Variants in LRCH4 observed in about 807,000 individuals in gnomAD.
The protein encoded by LRCH4 is leucine rich repeats and calponin homology domain containing 4.
LRCH4 carries 56 observed loss-of-function variants against 81.2 expected under a neutral mutation model. That is an observed-to-expected ratio of 0.69 (90% CI 0.56 to 0.86). LRCH4 has a LOEUF of 0.86. Among genes scored for constraint, LRCH4 ranks in the 40% least tolerant of loss-of-function variants. The pLI is 0.00. For missense variants in LRCH4, 895 were observed against 922.8 expected (o/e 0.97, Z 0.39); for synonymous variants, 442 against 409.7 (o/e 1.08, Z -0.95).
chr7:100,576,458 C>T, intron 14 of LRCH4, 135 bp from the exon 15 acceptor site: 1 of 690,664 alleles, frequency 1.4e-6, no homozygotes, highest in Non-Finnish European at 2.5e-6. Context: ...GAGATGGGGT[C>T]TCGCTATGTT....
chr7:100,584,036 C>G (rs1801640481), intron 1 of LRCH4: 1 of 411,002 alleles, frequency 2.4e-6, no homozygotes, highest in Admixed American at 2.6e-5. Flanking sequence ...ACTATCACCC[C>G]AGGGAGCCTA....
intron 4 of LRCH4, chr7:100,580,812 T>G (rs949642935): frequency 2.9e-5 from 4 of 137,264 alleles, no homozygotes; most frequent in African/African-American, 8.9e-5. Flanking sequence ...CACATGCACA[T>G]AGACACACAT....
Position 100,581,563 on chromosome 7 carries a change from A to G in LRCH4, c.598+214T>C, listed in dbSNP as rs958306915. 3.0e-5 allele frequency: 16 copies of G among 531,328 alleles called. No individual in the cohort carries two copies. In the Middle Eastern group the frequency reaches 1.5e-3, roughly 48 times the overall value. The allele number at this position is 531,328 out of a possible 1,614,324, so 32.9% of individuals were successfully genotyped here. On this transcript the variant is annotated intron_variant, in intron 4 of 17. Transcript: ENST00000310300. ...TCTCTGCTCTCCGCCATCGGAGAGTACCACAAGGAGCCGGCAGTCTGCAGC... is the reference window on the plus strand; with the variant it reads ...TCTCTGCTCTCCGCCATCGGAGAGTGCCACAAGGAGCCGGCAGTCTGCAGC...
In LRCH4 at chr7:100,575,520, G is replaced by T. The variant is rs1189470315; in HGVS notation, c.1854+185C>A. On this transcript the variant is annotated intron_variant, in intron 17 of 17. Coordinates refer to ENST00000310300, the MANE Select transcript of LRCH4 (RefSeq NM_002319.5). This position sits in a 1 kb window ranked among gnomAD's most constrained non-coding sequence, Gnocchi z 5.3. ...ACAAGATGGGGCCTGCAGGGCAGGG[G>T]ATGTGTAGGACAGGTGACATGCAGG... 3.4e-6 allele frequency: 3 copies of T among 873,380 alleles called. No homozygotes were observed. The African/African-American group carries it at 4.9e-5, about 14-fold the overall frequency. The allele number at this position is 873,380 out of a possible 1,614,324, so 54.1% of individuals were successfully genotyped here. A position where few individuals can be genotyped will look rare whatever the true frequency, so the allele number is the denominator to read the frequency against.
rs376109684 is a variant in LRCH4 at position 100,577,834 on chromosome 7, C to T, written c.1027G>A (p.Glu343Lys). 29 of 1,612,954 alleles carry T rather than the reference C, an allele frequency of 1.8e-5. No individual in the cohort carries two copies. The part of the protein sequence containing the change: ...REPRGPRERK[E>K]DGSADGDPVQ... The stretch of plus-strand genomic sequence containing the variant: ...CCCTGCTACTCACCTGAGCCATCCT[C>T]CTTGCGTTCTCTGGGTCCCCGGGGC... Residue 343 changes from glutamate to lysine, a missense_variant, in exon 8 of 18, where the codon GAG becomes AAG. Physicochemically the swap from Glu to Lys is moderately conservative, Grantham distance 56. This residue lies in a region of LRCH4 where 529 missense variants were observed against 504.9 expected (regional missense o/e 1.05). Transcript: ENST00000310300. This position sits in a 1 kb window ranked among gnomAD's most constrained non-coding sequence, Gnocchi z 6.7.
At position 100,576,027 on chromosome 7, in the gene LRCH4, T is replaced by C. The variant is rs202132087; in HGVS notation, c.1639-19A>G. On this transcript the variant is annotated intron_variant, in intron 15 of 17. Transcript: ENST00000310300. ...CAAGGACCTGGCAGTGTAGACCACA[T>C]AGAGCAGGGGTCAGGGAAGGAGAGG... 700 of 1,595,808 alleles carry C rather than the reference T, an allele frequency of 4.4e-4. 3 individuals are homozygous for C. The African/African-American group carries it at 8.2e-3, about 19-fold the overall frequency.
rs957924891 is a variant in LRCH4, at chr7:100,582,559, C to A, written c.221-100G>T. The A allele has an allele frequency of 4.1e-6, 5 of 1,217,372 alleles. No homozygotes were observed. The highest frequency in any genetic ancestry group is 1.2e-6 in the Non-Finnish European group (1 of 867,938). 75.4% of individuals were successfully genotyped at this position (1,217,372 alleles called of 1,614,324 possible). A position where few individuals can be genotyped will look rare whatever the true frequency, so the allele number is the denominator to read the frequency against. On this transcript the variant is annotated intron_variant, in intron 1 of 17. Transcript: ENST00000310300. This position sits in a 1 kb window ranked among gnomAD's most constrained non-coding sequence, Gnocchi z 5.0. ...GGCTGCCCACTCCCTCACCTCCACACCTAAAGATTCAAGGCCATCAATGTG... is the reference window on the plus strand; with the variant it reads ...GGCTGCCCACTCCCTCACCTCCACAACTAAAGATTCAAGGCCATCAATGTG...
At chr7:100,579,971 G>C (rs1187934902) in intron 4 of LRCH4, 1 of 152,216 alleles carries the variant, frequency 6.6e-6, no homozygotes, top group Non-Finnish European at 1.5e-5. Flanking sequence ...TTTTGACTGG[G>C]AAGGAAGAGG....
chr7:100,578,741 C>T lies in LRCH4; in HGVS notation c.644G>A (p.Arg215His), dbSNP rs1287025294. ...GAAGGAGACTGGGATTCGGGAGACG[C>T]GGTTACAGGAGAAATCCAGGCGGAC... Reference protein sequence around the residue: ...PLVRLDFSCNRVSRIPVSFCR... With the variant: ...PLVRLDFSCNHVSRIPVSFCR... The change falls in exon 5 of 18, where the codon CGC becomes CAC. Residue 215 changes from arginine to histidine, a missense_variant. Physicochemically the swap from Arg to His is conservative, Grantham distance 29. Transcript: ENST00000310300. The surrounding 1 kb of genome is among the most constrained non-coding windows in gnomAD (Gnocchi z 5.7). 2.8e-5 allele frequency: 45 copies of T among 1,613,922 alleles called. No individual in the cohort carries two copies. Among genetic ancestry groups the T allele is most frequent in the Admixed American group, 1.3e-4 (8 of 59,984 alleles).
Position 100,578,788 on chromosome 7 carries a change from T to C in LRCH4, c.599-2A>G, listed in dbSNP as rs371264894. 6.2e-7 allele frequency: 1 copy of C among 1,612,650 alleles called. No individual in the cohort carries two copies. The highest frequency in any genetic ancestry group is 8.5e-7 in the Non-Finnish European group (1 of 1,179,630). On this transcript the variant is annotated splice_acceptor_variant, in intron 4 of 17. Transcript: ENST00000310300. LOFTEE classifies it high-confidence loss of function. The surrounding 1 kb of genome is among the most constrained non-coding windows in gnomAD (Gnocchi z 5.7). ...GGACCAGAGGGAGGTCCCCCAGCTCTGGAACAGGTGGGCAAGGGAAAAGTC... is the reference window on the plus strand; with the variant it reads ...GGACCAGAGGGAGGTCCCCCAGCTCCGGAACAGGTGGGCAAGGGAAAAGTC...
Position 100,582,461 on chromosome 7 carries a change from T to TG in LRCH4, c.221-3dup. 6.2e-7 allele frequency: 1 copy of TG among 1,606,504 alleles called. No individual in the cohort carries two copies. ...CGGGAAACCGGTTCCGGGACAGGTC[T>TG]GGGGAAAAGGAGGTGTCGGGGAGAG... On this transcript the variant is annotated splice_region_variant and splice_polypyrimidine_tract_variant and intron_variant, in intron 1 of 17. Transcript: ENST00000310300. The surrounding 1 kb of genome is among the most constrained non-coding windows in gnomAD (Gnocchi z 5.0).
In LRCH4 at chr7:100,578,587, G is replaced by T; in HGVS notation, c.735+63C>A. On this transcript the variant is annotated intron_variant, in intron 5 of 17. Transcript: ENST00000310300. The surrounding 1 kb of genome is among the most constrained non-coding windows in gnomAD (Gnocchi z 5.7). ...CGGATCCTGCTCAGCTATCCAAGGG[G>T]ACCAACCCCACTCCTGCCTAGCCAC... is the stretch of plus-strand genomic sequence containing the variant. 1 of 1,601,974 alleles carries T rather than the reference G, an allele frequency of 6.2e-7. No homozygotes were observed. The highest frequency in any genetic ancestry group is 8.5e-7 in the Non-Finnish European group (1 of 1,172,712).
At chr7:100,584,689 G>A (rs1387697573) in intron 1 of LRCH4, 10 of 456,554 alleles carry the variant, frequency 2.2e-5, no homozygotes, top group Non-Finnish European at 3.5e-5. Flanking sequence ...CCCATCTCAA[G>A]TGTTGCAGAG....
In LRCH4 at chr7:100,577,356, G is replaced by A; in HGVS notation, c.1212C>T (p.Arg404=). The A allele has an allele frequency of 6.3e-7, 1 of 1,599,438 alleles. No homozygotes were observed. The highest frequency in any genetic ancestry group is 8.5e-7 in the Non-Finnish European group (1 of 1,179,328). ...CCTGCCACAGCTGCAAGGTGTCCGG[G>A]CGCCGCCGCTCCTCCCCTGCCGGCT... ...REEPAGEERR[R]PDTLQLWQER... Residue 404 remains arginine, a synonymous_variant, in exon 11 of 18, where the codon CGC becomes CGT. Coordinates refer to ENST00000310300, the MANE Select transcript of LRCH4 (RefSeq NM_002319.5). This position sits in a 1 kb window ranked among gnomAD's most constrained non-coding sequence, Gnocchi z 6.7.
chr7:100,576,169 C>T (rs1313500938), intron 15 of LRCH4, 69 bp downstream of exon 15: 7 of 1,549,088 alleles, frequency 4.5e-6, no homozygotes, highest in Non-Finnish European at 6.2e-6. Flanking sequence ...GGAGGCTGGT[C>T]CCAAGGACAG....
intron 1 of LRCH4, chr7:100,584,160 C>T (rs1245933671): frequency 6.6e-6 from 3 of 456,360 alleles, no homozygotes; most frequent in Non-Finnish European, 1.3e-5. Flanking sequence ...GGCACTGATG[C>T]TTTTCGTCTG....
rs1030927501 is a variant in LRCH4 at position 100,583,840 on chromosome 7, G to A, written c.221-1381C>T. Reference sequence around the variant, plus strand: ...TGTGTTTGTGTGTGTGCATGTGGACGAAGGGGGTGGAGACCGAGTTCTCAG... The same window carrying A: ...TGTGTTTGTGTGTGTGCATGTGGACAAAGGGGGTGGAGACCGAGTTCTCAG... On this transcript the variant is annotated intron_variant, in intron 1 of 17. Transcript: ENST00000310300. This position sits in a 1 kb window ranked among gnomAD's most constrained non-coding sequence, Gnocchi z 4.3. 1.8e-5 allele frequency: 5 copies of A among 280,304 alleles called. No individual in the cohort carries two copies. Among genetic ancestry groups the A allele is most frequent in the South Asian group, 3.2e-5 (1 of 31,322 alleles). The allele number at this position is 280,304 out of a possible 1,614,324, so 17.4% of individuals were successfully genotyped here.
At chr7:100,585,764 G>T in intron 1 of LRCH4, 117 bp downstream of exon 1, 2 of 1,112,376 alleles carry the variant, frequency 1.8e-6, no homozygotes, top group Non-Finnish European at 2.5e-6. Context: ...AATCAGGAGG[G>T]GCAGCAACCC....
chr7:100,576,661 C>A (rs767457229), intron 14 of LRCH4, 33 bp downstream of exon 14: 8 of 1,548,758 alleles, frequency 5.2e-6, no homozygotes, highest in Non-Finnish European at 7.0e-6. Flanking sequence ...CTGGCAAGCA[C>A]TGGGTCAGCA....
Sources: gnomAD v4.1 joint callset for allele counts on GRCh38, gnomAD v4.1.1 for gene constraint, gnomAD v4.1.1 regional missense constraint, Gnocchi (gnomAD v3.1) non-coding constraint, MANE v1.5 for transcripts, NCBI Gene and HGNC (gene_info 2026-07-23, HGNC 2026-07-21) for gene names.